The following ROR2 variants were observed in gnomAD, a reference collection of about 807,000 sequenced individuals.
ROR2 encodes the protein ROR family WNT receptor 2.
ROR2 carries 33 observed loss-of-function variants against 74.9 expected under a neutral mutation model. The observed-to-expected ratio is 0.44, with a 90% confidence interval of 0.33 to 0.59. ROR2 has a LOEUF of 0.59. ROR2 is among the 20% of genes least tolerant of loss of function. ROR2 has a pLI of 0.02. For missense variants in ROR2, 1,216 were observed against 1,313.8 expected (o/e 0.93, Z 1.15); for synonymous variants, 586 against 558.7 (o/e 1.05, Z -0.69).
chr9:91,858,022 A>G (rs1312711116), intron 1 of ROR2, among the ~76,000 whole-genome samples: 1 of 152,160 alleles, frequency 6.6e-6, no homozygotes, highest in African/African-American at 2.4e-5. Flanking sequence ...GCAAATAAAA[A>G]CCAAGGCTGC....
chr9:91,750,283 C>CTAATTAGTCTATGACTAT (rs1825559525), intron 4 of ROR2, among the ~76,000 whole-genome samples: 2 of 152,178 alleles, frequency 1.3e-5, no homozygotes, highest in Admixed American at 1.3e-4. Context: ...TATAATGTCA[C>CTAATTAGTCTATGACTAT]GACAAACACT....
At chr9:91,867,145 A>G (rs1564009006) in intron 1 of ROR2, among the ~76,000 whole-genome samples, 1 of 152,178 alleles carries the variant, frequency 6.6e-6, no homozygotes, top group Non-Finnish European at 1.5e-5. Flanking sequence ...GTTTGAACTT[A>G]ACATAGTCCC....
chr9:91,874,164 A>G (rs568010454), intron 1 of ROR2, among the ~76,000 whole-genome samples: 2 of 152,234 alleles, frequency 1.3e-5, no homozygotes, highest in Non-Finnish European at 2.9e-5. Flanking sequence ...TTAGGGGAAG[A>G]GAAAAGACCC....
intron 1 of ROR2, among the ~76,000 whole-genome samples, chr9:91,788,030 T>C (rs1329467009): frequency 6.6e-6 from 1 of 152,190 alleles, no homozygotes; most frequent in Non-Finnish European, 1.5e-5. Flanking sequence ...AGTAATAAGG[T>C]GATTAAAAGC....
chr9:91,804,462 A>G (rs1827487354), intron 1 of ROR2, among the ~76,000 whole-genome samples: 1 of 152,226 alleles, frequency 6.6e-6, no homozygotes, highest in African/African-American at 2.4e-5. Context: ...CTGCCAGGCC[A>G]GGGAGCCTCC....
At chr9:91,874,514 C>T (rs1007133189) in intron 1 of ROR2, among the ~76,000 whole-genome samples, 1 of 152,158 alleles carries the variant, frequency 6.6e-6, no homozygotes, top group African/African-American at 2.4e-5. Flanking sequence ...CGAAAGAAGC[C>T]TAGGCGATAA....
chr9:91,847,980 T>C (rs1346383330), intron 1 of ROR2, among the ~76,000 whole-genome samples: 1 of 152,282 alleles, frequency 6.6e-6, no homozygotes, highest in South Asian at 2.1e-4. Context: ...AGATGAGCCT[T>C]TTAAAGAAAG....
At chr9:91,921,222 A>G (rs1193751256) in intron 1 of ROR2, among the ~76,000 whole-genome samples, 1 of 152,230 alleles carries the variant, frequency 6.6e-6, no homozygotes, top group African/African-American at 2.4e-5. Flanking sequence ...AAAATGAATC[A>G]AGACCTCAAC....
At chr9:91,808,876 G>A (rs1827656100) in intron 1 of ROR2, among the ~76,000 whole-genome samples, 1 of 151,078 alleles carries the variant, frequency 6.6e-6, no homozygotes, top group African/African-American at 2.4e-5. Flanking sequence ...GGTGGCACGT[G>A]CCTGTAGTCC....
chr9:91,863,150 A>C (rs1006504312), intron 1 of ROR2, among the ~76,000 whole-genome samples: 1 of 152,250 alleles, frequency 6.6e-6, no homozygotes, highest in Non-Finnish European at 1.5e-5. Flanking sequence ...CGCTGGGGCA[A>C]ACAATCTGGC....
chr9:91,891,106 A>T (rs988174988), intron 1 of ROR2, among the ~76,000 whole-genome samples: 1 of 152,208 alleles, frequency 6.6e-6, no homozygotes, highest in Non-Finnish European at 1.5e-5. Context: ...CTGTTACATA[A>T]CAAATTGCCT....
intron 1 of ROR2, among the ~76,000 whole-genome samples, chr9:91,906,320 G>A (rs1830817242): frequency 1.3e-5 from 2 of 152,170 alleles, no homozygotes; most frequent in South Asian, 4.1e-4. Context: ...ATTCTACCCT[G>A]ACCCACAGAA....
At chr9:91,725,519 A>G (rs1221448504) in intron 8 of ROR2, among the ~76,000 whole-genome samples, 4 of 152,170 alleles carry the variant, frequency 2.6e-5, no homozygotes, top group Non-Finnish European at 5.9e-5. Flanking sequence ...GTGCCGACAC[A>G]TCACGTGAGA....
rs757938662 is a variant in ROR2 at position 91,733,841 on chromosome 9, A to C, written c.623-405T>G. ...GTGGAGAGCGCAGGCCAAGAAGTGC[A>C]GTACCGAGCCCCAGGCTTCCCAATG... On this transcript the variant is annotated intron_variant, in intron 5 of 8. Coordinates refer to ENST00000375708, the MANE Select transcript of ROR2 (RefSeq NM_004560.4). This position sits in a 1 kb window ranked among gnomAD's most constrained non-coding sequence, Gnocchi z 5.7. Among the ~76,000 whole-genome samples, 1 of 152,224 alleles carries C rather than the reference A, an allele frequency of 6.6e-6. No individual in the cohort carries two copies. The highest frequency in any genetic ancestry group is 2.4e-5 in the African/African-American group (1 of 41,470).
At chr9:91,777,407 A>ACC (rs869195141) in intron 1 of ROR2, among the ~76,000 whole-genome samples, 2 of 149,538 alleles carry the variant, frequency 1.3e-5, no homozygotes, top group Admixed American at 6.7e-5. Context: ...ACACACACAC[A>ACC]CCCCATCATC....
intron 1 of ROR2, among the ~76,000 whole-genome samples, chr9:91,945,403 T>C (rs1172904939): frequency 3.9e-5 from 6 of 152,194 alleles, no homozygotes; most frequent in Admixed American, 3.9e-4. Context: ...CTAGGAGTAT[T>C]TGGGATTTAG....
chr9:91,832,949 G>T (rs1828508169), intron 1 of ROR2, among the ~76,000 whole-genome samples: 2 of 152,172 alleles, frequency 1.3e-5, no homozygotes, highest in Admixed American at 6.5e-5. Flanking sequence ...TGCAGTGCCA[G>T]ACCTGAGCCC....
rs1181473303 is a variant in ROR2 at position 91,724,813 on chromosome 9, G to A, written c.1681C>T (p.Leu561Phe). 6.2e-7 allele frequency: 1 copy of A among 1,608,536 alleles called. No individual in the cohort carries two copies. Among genetic ancestry groups the A allele is most frequent in the Non-Finnish European group, 8.5e-7 (1 of 1,175,912 alleles). The change falls in exon 9 of 9, where the codon CTC (leucine) becomes TTC (phenylalanine). Residue 561 changes from leucine (L) to phenylalanine (F), a missense_variant. Physicochemically the swap from Leu to Phe is conservative, Grantham distance 22. Coordinates refer to ENST00000375708, the MANE Select transcript of ROR2 (RefSeq NM_004560.4). ...MIFSYCSHGD[L>F]HEFLVMRSPH... ...GAGCGCATGACCAGGAATTCGTGGA[G>A]GTCGCCGTGCGAACAGTAGCTGAAG...
chr9:91,927,948 G>T (rs1284501612), intron 1 of ROR2, among the ~76,000 whole-genome samples: 1 of 152,072 alleles, frequency 6.6e-6, no homozygotes, highest in Non-Finnish European at 1.5e-5. Flanking sequence ...TATCCTTGAT[G>T]CTCCTGCATT....
Sources: allele counts gnomAD v4.1 joint callset (sites outside exome capture counted in the v4.1 genomes callset), GRCh38; gene constraint gnomAD v4.1.1; non-coding constraint Gnocchi (gnomAD v3.1); transcripts MANE v1.5; gene names NCBI Gene and HGNC (gene_info 2026-07-23, HGNC 2026-07-21).